The following CCDC154 variants were observed in gnomAD, a reference collection of about 807,000 sequenced individuals.
CCDC154 encodes coiled-coil domain containing 154, also known as coiled-coil domain-containing protein 154.
CCDC154 carries 91 observed loss-of-function variants against 87.5 expected under a neutral mutation model. The ratio of observed to expected loss-of-function variants is 1.04; its 90% CI spans 0.88 to 1.24. CCDC154 has a LOEUF of 1.24. Ranked by LOEUF, CCDC154 falls within the 50% of genes most tolerant of loss-of-function variation. CCDC154 has a pLI of 0.00. For synonymous variants in CCDC154, 418 were observed against 400.4 expected, an observed-to-expected ratio of 1.04 and a Z score of -0.52; for missense variants, 903 against 879.2, an observed-to-expected ratio of 1.03 and a Z score of -0.34.
rs1024124167 is a variant in CCDC154 at position 1,443,500 on chromosome 16, G to A, written c.414+6C>T. 9 of 1,456,058 alleles carry A rather than the reference G, an allele frequency of 6.2e-6. No homozygotes were observed. Among genetic ancestry groups the A allele is most frequent in the Middle Eastern group, 2.5e-4 (1 of 4,060 alleles). The allele number at this position is 1,456,058 out of a possible 1,614,324, so 90.2% of individuals were successfully genotyped here. ...AGCTCGACCTGTGGGTGGGGGAGCC[G>A]CTCACCTCCGGCGCCTCCTTTTCGG... On this transcript the variant is annotated splice_donor_region_variant and intron_variant, in intron 3 of 16. Coordinates refer to ENST00000389176, the MANE Select transcript of CCDC154 (RefSeq NM_001143980.3).
At chr16:1,437,676 C>T (rs1185338797) in intron 11 of CCDC154, 141 bp downstream of exon 11, 1 of 1,080,232 alleles carries the variant, frequency 9.3e-7, no homozygotes, top group Middle Eastern at 3.2e-4. Flanking sequence ...GTCTCCCAGG[C>T]CCTGGGGACA....
In CCDC154 at chr16:1,442,944, G is replaced by C; in HGVS notation, c.487C>G (p.Leu163Val). The C allele has an allele frequency of 6.5e-7, 1 of 1,550,034 alleles. No individual in the cohort carries two copies. Among genetic ancestry groups the C allele is most frequent in the Non-Finnish European group, 8.7e-7 (1 of 1,146,836 alleles). The stretch of plus-strand genomic sequence containing the variant: ...TCCTGTTGCACCTGCCTCCTCCTGA[G>C]CCGGGTCAAGGCTTCCCGGACCTCC... ...LVEVREALTRLRRRQVQQEAE... is the reference protein window; with the variant it reads ...LVEVREALTRVRRRQVQQEAE... The change falls in exon 5 of 17, where the codon CTC (leucine) becomes GTC (valine). Residue 163 changes from leucine to valine, a missense_variant. Physicochemically the swap from Leu to Val is conservative, Grantham distance 32 (BLOSUM62 1). Coordinates refer to ENST00000389176, the MANE Select transcript of CCDC154 (RefSeq NM_001143980.3).
At chr16:1,439,997 A>G (rs1232707369) in intron 6 of CCDC154, among the ~76,000 whole-genome samples, 1 of 152,020 alleles carries the variant, frequency 6.6e-6, no homozygotes, top group Non-Finnish European at 1.5e-5. Context: ...AAAACTACAG[A>G]AAGTAGCCAG....
intron 14 of CCDC154, chr16:1,435,457 C>T: frequency 9.1e-6 from 5 of 551,804 alleles, no homozygotes; most frequent in Non-Finnish European, 1.6e-5. Flanking sequence ...GGTGCCTCCA[C>T]TTAGAACTGC....
intron 9 of CCDC154, 30 bp from the exon 10 acceptor site, chr16:1,438,206 A>T: frequency 1.3e-6 from 2 of 1,494,386 alleles, no homozygotes; most frequent in Non-Finnish European, 1.8e-6. Flanking sequence ...AGACACCCTC[A>T]GTGGAGCCTG....
rs1435495980 is a variant in CCDC154, at chr16:1,437,930, C to T, written c.1177G>A (p.Glu393Lys). The T allele has an allele frequency of 2.6e-6, 4 of 1,547,176 alleles. No homozygotes were observed. The South Asian group carries it at 4.8e-5, about 18-fold the overall frequency. The change falls in exon 11 of 17, where the codon GAG becomes AAG. Residue 393 changes from glutamate to lysine, a missense_variant. Transcript: ENST00000389176. ...CCGGCCAGCTGCGCCACGGATGCCT[C>T]CAGAGCCCGGCTCTTCTCTCGGAGC... is the stretch of plus-strand genomic sequence containing the variant. ...VLLREKSRAL[E>K]ASVAQLAGQL...
In CCDC154 at chr16:1,436,083, C is replaced by T. The variant is rs986074690; in HGVS notation, c.1491G>A (p.Glu497=). 2 of 1,550,000 alleles carry T rather than the reference C, an allele frequency of 1.3e-6. No individual in the cohort carries two copies. The highest frequency in any genetic ancestry group is 3.9e-5 in the Admixed American group (2 of 51,000). Reference sequence around the variant, plus strand: ...CCTGCCGCAGGGCCCCAACCTTGAACTCCCTATGGGCACCAGAGGCCGAGG... The same window carrying T: ...CCTGCCGCAGGGCCCCAACCTTGAATTCCCTATGGGCACCAGAGGCCGAGG... ...LRISAEGKAR[E]FKVGALRQEL... The change falls in exon 14 of 17, where the codon GAG becomes GAA. Residue 497 remains glutamate, a synonymous_variant. Transcript: ENST00000389176.
intron 6 of CCDC154, among the ~76,000 whole-genome samples, chr16:1,440,723 G>C (rs1314992184): frequency 6.6e-6 from 1 of 151,906 alleles, no homozygotes; most frequent in Non-Finnish European, 1.5e-5. Flanking sequence ...GGCCGAGATG[G>C]GCAGATCACG....
chr16:1,442,611 C>A, intron 5 of CCDC154, 82 bp from the exon 6 acceptor site: 1 of 1,431,904 alleles, frequency 7.0e-7, no homozygotes, highest in South Asian at 1.5e-5. Flanking sequence ...GCTGGCCAGG[C>A]AGGAGGTGTA....
intron 11 of CCDC154, 167 bp downstream of exon 11, chr16:1,437,650 G>A (rs1403358625): frequency 4.9e-6 from 4 of 810,402 alleles, no homozygotes; most frequent in Non-Finnish European, 7.3e-6. Flanking sequence ...CCACACAGGA[G>A]TCTCTGGGGC....
intron 14 of CCDC154, 128 bp from the exon 15 acceptor site, chr16:1,435,303 TC>T (rs1395001113): frequency 2.1e-5 from 17 of 799,662 alleles, no homozygotes; most frequent in Admixed American, 6.4e-5. Context: ...GAAATGCTGG[TC>T]CTCGTCCCCA....
intron 6 of CCDC154, among the ~76,000 whole-genome samples, 177 bp downstream of exon 6, chr16:1,442,229 G>C (rs1436964397): frequency 6.6e-6 from 1 of 152,250 alleles, no homozygotes; most frequent in Non-Finnish European, 1.5e-5. Flanking sequence ...CTGAACTTTT[G>C]AAATGGGGCA....
Position 1,438,099 on chromosome 16 carries a change from T to A in CCDC154, c.1103A>T (p.Gln368Leu), listed in dbSNP as rs551468714. ...AYVQENLEAA[Q>L]LAGELARQEM... ...CTGCCGGGCCAGCTCGCCAGCCAGC[T>A]GTGCGGCCTCCAGGTTCTCCTGCAC... The change falls in exon 10 of 17, where the codon CAG (glutamine) becomes CTG (leucine). Residue 368 changes from glutamine (Q) to leucine (L), a missense_variant. Gln to Leu is a moderately radical substitution (Grantham distance 113). Coordinates refer to ENST00000389176, the MANE Select transcript of CCDC154 (RefSeq NM_001143980.3). 2 of 1,549,008 alleles carry A rather than the reference T, an allele frequency of 1.3e-6. No individual in the cohort carries two copies. The highest frequency in any genetic ancestry group is 2.4e-5 in the South Asian group (2 of 83,996).
chr16:1,435,818 G>T (rs894413396), intron 14 of CCDC154, 151 bp downstream of exon 14: 8 of 672,252 alleles, frequency 1.2e-5, no homozygotes, highest in Non-Finnish European at 2.0e-5. Context: ...AAGCCACCCC[G>T]CCTGGCCTCC....
rs892293136 is a variant in CCDC154 at position 1,442,349 on chromosome 16, T to A, written c.675+57A>T. On this transcript the variant is annotated intron_variant, in intron 6 of 16. Transcript: ENST00000389176. ...ATCGGATGGCACAGGCCGAGAGGGT[T>A]AGGGTCTCCTCCTCGGCCCTCTGGG... is the stretch of plus-strand genomic sequence containing the variant. 1.3e-5 allele frequency: 19 copies of A among 1,496,352 alleles called. No individual in the cohort carries two copies. The African/African-American group carries it at 2.4e-4, about 19-fold the overall frequency. 92.7% of individuals were successfully genotyped at this position (1,496,352 alleles called of 1,614,324 possible).
chr16:1,438,655 G>C lies in CCDC154; in HGVS notation c.989C>G (p.Ser330Trp). Residue 330 changes from serine to tryptophan, a missense_variant, in exon 9 of 17, where the codon TCG (serine) becomes TGG (tryptophan). Physicochemically the swap from Ser to Trp is radical, Grantham distance 177. Transcript: ENST00000389176. ...LTKFVQQNQA[S>W]LNRVLLAEEK... ...CTCGGCCAGTAGGACACGGTTCAGC[G>C]ACGCCTGGTTCTGCTGCACAAACTT... 4 of 1,550,114 alleles carry C rather than the reference G, an allele frequency of 2.6e-6. No homozygotes were observed. The highest frequency in any genetic ancestry group is 3.5e-6 in the Non-Finnish European group (4 of 1,146,798).
In CCDC154 at chr16:1,434,391, G is replaced by C. The variant is rs12598718; in HGVS notation, c.*17C>G. ...CATCAGGGAACCTCAGCTCTAATGAGTACAAAGCCAGCACGTTTATTTCTG... is the reference window on the plus strand; with the variant it reads ...CATCAGGGAACCTCAGCTCTAATGACTACAAAGCCAGCACGTTTATTTCTG... On this transcript the variant is annotated 3_prime_UTR_variant, in exon 17 of 17. Transcript: ENST00000389176. 881,011 of 1,549,234 alleles carry C rather than the reference G, an allele frequency of 0.57. 253,587 individuals are homozygous for C. The highest frequency in any genetic ancestry group is 0.8 in the East Asian group (32,777 of 40,898).
intron 11 of CCDC154, chr16:1,437,271 G>A (rs531845130): frequency 2.0e-5 from 4 of 203,152 alleles, no homozygotes; most frequent in Admixed American, 1.1e-4. Flanking sequence ...CACAGCGGCC[G>A]CACCGTGCGT....
chr16:1,442,823 G>T, intron 5 of CCDC154, 57 bp downstream of exon 5: 1 of 1,478,446 alleles, frequency 6.8e-7, no homozygotes, highest in Non-Finnish European at 9.2e-7. Context: ...CTCAGCCAGG[G>T]ACTCTCAAAT....
Sources: allele counts gnomAD v4.1 joint callset (sites outside exome capture counted in the v4.1 genomes callset), GRCh38; gene constraint gnomAD v4.1.1; transcripts MANE v1.5; gene names NCBI Gene and HGNC (gene_info 2026-07-23, HGNC 2026-07-21).